PMP2: variants seen among roughly 807,000 people sequenced by gnomAD.
The protein encoded by PMP2 is peripheral myelin protein 2.
A neutral mutation model predicts 15.9 loss-of-function variants in PMP2; 11 were observed. That is an observed-to-expected ratio of 0.69 (90% CI 0.44 to 1.14). The LOEUF (loss-of-function observed/expected upper bound fraction) is 1.14, where lower values mean the gene tolerates loss of function less well. Among genes scored for constraint, PMP2 ranks in the 50% most tolerant of loss-of-function variants. The pLI, the probability that PMP2 is intolerant of heterozygous loss-of-function variation, is 0.00. For synonymous variants in PMP2, 55 were observed against 54.1 expected (o/e 1.02, Z -0.07); for missense variants, 151 against 154.0 (o/e 0.98, Z 0.10).
At position 81,440,853 on chromosome 8, in the gene PMP2, A is replaced by T. The variant is rs1306415873; in HGVS notation, c.*2545T>A. Reference sequence around the variant, plus strand: ...CATACATTATGGCCCTTTACCTCAAAATACTTTATTGTGTATTTTCCAAGA... The same window carrying T: ...CATACATTATGGCCCTTTACCTCAATATACTTTATTGTGTATTTTCCAAGA... On this transcript the variant is annotated 3_prime_UTR_variant, in exon 4 of 4. Coordinates refer to ENST00000256103, the MANE Select transcript of PMP2 (RefSeq NM_002677.5). The T allele has an allele frequency of 6.6e-6, 1 of 152,170 alleles. No individual in the cohort carries two copies. The highest frequency in any genetic ancestry group is 1.5e-5 in the Non-Finnish European group (1 of 68,036). 9.4% of individuals were successfully genotyped at this position (152,170 alleles called of 1,614,324 possible). A position where few individuals can be genotyped will look rare whatever the true frequency, so the allele number is the denominator to read the frequency against.
chr8:81,444,211 T>A (rs1807403977), intron 3 of PMP2, among the ~76,000 whole-genome samples: 1 of 152,212 alleles, frequency 6.6e-6, no homozygotes. Context: ...CTTTCTTCTT[T>A]GTGAGCCCAA....
intron 1 of PMP2, among the ~76,000 whole-genome samples, chr8:81,446,214 A>G (rs1807447779): frequency 6.6e-6 from 1 of 152,216 alleles, no homozygotes; most frequent in Non-Finnish European, 1.5e-5. Context: ...AAGTTAAATC[A>G]TAATCTCTGG....
intron 1 of PMP2, 109 bp from the exon 2 acceptor site, chr8:81,445,098 G>A (rs1807425376): frequency 2.7e-6 from 2 of 745,078 alleles, no homozygotes; most frequent in Admixed American, 2.8e-5. Context: ...TTGATGGCAG[G>A]TAATATCACT....
chr8:81,446,992 G>C (rs1807459541), intron 1 of PMP2, among the ~76,000 whole-genome samples: 1 of 152,190 alleles, frequency 6.6e-6, no homozygotes, highest in Non-Finnish European at 1.5e-5. Flanking sequence ...AGAAAAGCCA[G>C]AAAATGGGTT....
Position 81,440,377 on chromosome 8 carries a change from G to C in PMP2, c.*3021C>G, listed in dbSNP as rs553462915. 44 of 152,228 alleles carry C rather than the reference G, an allele frequency of 2.9e-4. No individual in the cohort carries two copies. Among genetic ancestry groups the C allele is most frequent in the African/African-American group, 1.0e-3 (43 of 41,530 alleles). 9.4% of individuals were successfully genotyped at this position (152,228 alleles called of 1,614,324 possible). On this transcript the variant is annotated 3_prime_UTR_variant, in exon 4 of 4. Coordinates refer to ENST00000256103, the MANE Select transcript of PMP2 (RefSeq NM_002677.5). ...TATTGAGGAATAAATTTTATAACAAGTTGTATTATCACAAATCTCTAAAAA... is the reference window on the plus strand; with the variant it reads ...TATTGAGGAATAAATTTTATAACAACTTGTATTATCACAAATCTCTAAAAA...
At chr8:81,444,668 T>C in intron 2 of PMP2, 67 bp from the exon 3 acceptor site, 1 of 1,422,056 alleles carries the variant, frequency 7.0e-7, no homozygotes, top group Non-Finnish European at 9.9e-7. Flanking sequence ...GTTCTTTCAG[T>C]ATGGAACCAT....
intron 3 of PMP2, 28 bp downstream of exon 3, chr8:81,444,472 C>T (rs1419524568): frequency 7.6e-7 from 1 of 1,323,906 alleles, no homozygotes; most frequent in Non-Finnish European, 1.1e-6. Flanking sequence ...AGCATTATTT[C>T]TCTATTTAGA....
chr8:81,443,490 C>T (rs1416703049), intron 3 of PMP2, 42 bp from the exon 4 acceptor site: 5 of 1,234,158 alleles, frequency 4.1e-6, no homozygotes, highest in East Asian at 2.4e-5. Flanking sequence ...CAAGTTCAAA[C>T]CAGAGAACAG....
In PMP2 at chr8:81,441,579, A is replaced by G. The variant is rs927518562; in HGVS notation, c.*1819T>C. On this transcript the variant is annotated 3_prime_UTR_variant, in exon 4 of 4. Coordinates refer to ENST00000256103, the MANE Select transcript of PMP2 (RefSeq NM_002677.5). ...CTATCTATCTATATATCTATCTATC[A>G]TCTGTCAGTCATCTACCTATCTATC... 9 of 151,210 alleles carry G rather than the reference A, an allele frequency of 6.0e-5. No homozygotes were observed. The highest frequency in any genetic ancestry group is 2.6e-4 in the Admixed American group (4 of 15,196). 9.4% of individuals were successfully genotyped at this position (151,210 alleles called of 1,614,324 possible). A position where few individuals can be genotyped will look rare whatever the true frequency, so the allele number is the denominator to read the frequency against.
rs927518562 is a variant in PMP2 at position 81,441,579 on chromosome 8, A to T, written c.*1819T>A. On this transcript the variant is annotated 3_prime_UTR_variant, in exon 4 of 4. Transcript: ENST00000256103. The stretch of plus-strand genomic sequence containing the variant: ...CTATCTATCTATATATCTATCTATC[A>T]TCTGTCAGTCATCTACCTATCTATC... The T allele has an allele frequency of 6.6e-6, 1 of 151,210 alleles. No individual in the cohort carries two copies. The highest frequency in any genetic ancestry group is 1.9e-4 in the East Asian group (1 of 5,158). The allele number at this position is 151,210 out of a possible 1,614,324, so 9.4% of individuals were successfully genotyped here.
At chr8:81,445,520 G>A (rs1807433971) in intron 1 of PMP2, among the ~76,000 whole-genome samples, 1 of 152,142 alleles carries the variant, frequency 6.6e-6, no homozygotes, top group Non-Finnish European at 1.5e-5. Context: ...ACCGCGCCCG[G>A]CCAATGTCTG....
At position 81,442,919 on chromosome 8, in the gene PMP2, TAGAGGCTACCCCTTTTAACTG is replaced by T. The variant is rs2129700309; in HGVS notation, c.*458_*478del. 1 of 152,266 alleles carries T rather than the reference TAGAGGCTACCCCTTTTAACTG, an allele frequency of 6.6e-6. No individual in the cohort carries two copies. Among genetic ancestry groups the T allele is most frequent in the South Asian group, 2.1e-4 (1 of 4,818 alleles). 9.4% of individuals were successfully genotyped at this position (152,266 alleles called of 1,614,324 possible). A position where few individuals can be genotyped will look rare whatever the true frequency, so the allele number is the denominator to read the frequency against. ...ATTAATTTTAAAATGTTGGCTGGAG[TAGAGGCTACCCCTTTTAACTG>T]AGACTACAATTCTTTACATTATAAT... is the stretch of plus-strand genomic sequence containing the variant. On this transcript the variant is annotated 3_prime_UTR_variant, in exon 4 of 4. Coordinates refer to ENST00000256103, the MANE Select transcript of PMP2 (RefSeq NM_002677.5).
chr8:81,441,372 CT>C lies in PMP2; in HGVS notation c.*2025del, dbSNP rs1807331372. On this transcript the variant is annotated 3_prime_UTR_variant, in exon 4 of 4. Coordinates refer to ENST00000256103, the MANE Select transcript of PMP2 (RefSeq NM_002677.5). ...TCCTGCTCCTAAGCGAAATTTCCCC[CT>C]AGCTTTAGCATTGATTGATAATTCT... The C allele has an allele frequency of 1.3e-5, 2 of 152,108 alleles. No homozygotes were observed. Among genetic ancestry groups the C allele is most frequent in the African/African-American group, 4.8e-5 (2 of 41,440 alleles). The allele number at this position is 152,108 out of a possible 1,614,324, so 9.4% of individuals were successfully genotyped here. A position where few individuals can be genotyped will look rare whatever the true frequency, so the allele number is the denominator to read the frequency against.
Position 81,442,769 on chromosome 8 carries a change from T to C in PMP2, c.*629A>G, listed in dbSNP as rs1188150677. Reference sequence around the variant, plus strand: ...AAAAAATGTACTAGGATTAAGAAAATGTTTTGTGTCTTGAGTGGGATGTGA... The same window carrying C: ...AAAAAATGTACTAGGATTAAGAAAACGTTTTGTGTCTTGAGTGGGATGTGA... On this transcript the variant is annotated 3_prime_UTR_variant, in exon 4 of 4. Coordinates refer to ENST00000256103, the MANE Select transcript of PMP2 (RefSeq NM_002677.5). The C allele has an allele frequency of 2.6e-5, 4 of 151,976 alleles. No homozygotes were observed. The highest frequency in any genetic ancestry group is 9.7e-5 in the African/African-American group (4 of 41,396). The allele number at this position is 151,976 out of a possible 1,614,324, so 9.4% of individuals were successfully genotyped here.
chr8:81,441,566 A>G lies in PMP2; in HGVS notation c.*1832T>C, dbSNP rs537842751. 7.3e-6 allele frequency: 1 copy of G among 136,372 alleles called. No homozygotes were observed. Among genetic ancestry groups the G allele is most frequent in the Non-Finnish European group, 1.6e-5 (1 of 63,392 alleles). The allele number at this position is 136,372 out of a possible 1,614,324, so 8.4% of individuals were successfully genotyped here. On this transcript the variant is annotated 3_prime_UTR_variant, in exon 4 of 4. Coordinates refer to ENST00000256103, the MANE Select transcript of PMP2 (RefSeq NM_002677.5). ...TCTATCTATCTATCTATCTATCTAT[A>G]TATCTATCTATCATCTGTCAGTCAT...
In PMP2 at chr8:81,444,906, G is replaced by A. The variant is rs375558516; in HGVS notation, c.157C>T (p.Arg53Ter). The part of the protein sequence containing the change: ...ISKKGDIITI[R>*]TESTFKNTEI... The stretch of plus-strand genomic sequence containing the variant: ...GTATTTTTAAAGGTACTTTCAGTTC[G>A]TATAGTTATAATATCTCCTTTCTTG... The change falls in exon 2 of 4, where the codon CGA becomes TGA. Residue 53 changes from arginine (R) to a stop codon, truncating the protein, a stop_gained. Transcript: ENST00000256103. LOFTEE classifies it high-confidence loss of function. 14 of 1,613,154 alleles carry A rather than the reference G, an allele frequency of 8.7e-6. No homozygotes were observed. Among genetic ancestry groups the A allele is most frequent in the African/African-American group, 4.0e-5 (3 of 74,888 alleles).
chr8:81,441,367 T>A lies in PMP2; in HGVS notation c.*2031A>T, dbSNP rs577736087. The A allele has an allele frequency of 6.6e-6, 1 of 152,212 alleles. No homozygotes were observed. The highest frequency in any genetic ancestry group is 2.1e-4 in the South Asian group (1 of 4,826). The allele number at this position is 152,212 out of a possible 1,614,324, so 9.4% of individuals were successfully genotyped here. ...TAATATCCTGCTCCTAAGCGAAATTTCCCCCTAGCTTTAGCATTGATTGAT... is the reference window on the plus strand; with the variant it reads ...TAATATCCTGCTCCTAAGCGAAATTACCCCCTAGCTTTAGCATTGATTGAT... On this transcript the variant is annotated 3_prime_UTR_variant, in exon 4 of 4. Coordinates refer to ENST00000256103, the MANE Select transcript of PMP2 (RefSeq NM_002677.5).
At chr8:81,445,371 C>A (rs1434873321) in intron 1 of PMP2, among the ~76,000 whole-genome samples, 2 of 152,092 alleles carry the variant, frequency 1.3e-5, no homozygotes, top group Non-Finnish European at 2.9e-5. Context: ...ACTACAGGGG[C>A]CGCCACCACG....
chr8:81,441,484 A>G lies in PMP2; in HGVS notation c.*1914T>C, dbSNP rs905335295. On this transcript the variant is annotated 3_prime_UTR_variant, in exon 4 of 4. Coordinates refer to ENST00000256103, the MANE Select transcript of PMP2 (RefSeq NM_002677.5). ...TTCCACTCACATTTAACACTGGTCC[A>G]TGACGTTCTATTGCAAAAGAGAAAC... 6.6e-6 allele frequency: 1 copy of G among 152,062 alleles called. No individual in the cohort carries two copies. Among genetic ancestry groups the G allele is most frequent in the East Asian group, 1.9e-4 (1 of 5,192 alleles). The allele number at this position is 152,062 out of a possible 1,614,324, so 9.4% of individuals were successfully genotyped here.
Sources: gnomAD v4.1 joint callset for allele counts (sites outside exome capture counted in the v4.1 genomes callset) on GRCh38, gnomAD v4.1.1 for gene constraint, MANE v1.5 for transcripts, NCBI Gene and HGNC (gene_info 2026-07-23, HGNC 2026-07-21) for gene names.